MIR2052HG: variants seen among roughly 807,000 people sequenced by gnomAD.
MIR2052HG encodes MIR2052 host gene.
At chr8:74,604,183 T>C (rs1158149519) in intron 1 of MIR2052HG, 5 of 896,444 alleles carry the variant, frequency 5.6e-6, no homozygotes, top group South Asian at 2.6e-5. Flanking sequence ...TTCCTTTCCA[T>C]GCATAAGTAG....
chr8:74,614,538 C>A (rs1471706438), intron 2 of MIR2052HG, among the ~76,000 whole-genome samples: 2 of 152,120 alleles, frequency 1.3e-5, no homozygotes, highest in South Asian at 2.1e-4. Context: ...TTATTAAATT[C>A]TTTTATAACT....
chr8:74,649,530 C>CAT (rs199851979), intron 2 of MIR2052HG, among the ~76,000 whole-genome samples: 6,799 of 151,616 alleles, frequency 0.045, 223 homozygotes, highest in Non-Finnish European at 0.053. Context: ...TATATACCTA[C>CAT]ATATATATAT....
In MIR2052HG at chr8:74,716,774, C is replaced by G. The variant is rs886714760; in HGVS notation, n.371+13092C>G. Among the ~76,000 whole-genome samples the G allele has an allele frequency of 3.9e-5, 6 of 152,178 alleles. No individual in the cohort carries two copies. The South Asian group carries it at 1.0e-3, about 26-fold the overall frequency. On this transcript the variant is annotated intron_variant and non_coding_transcript_variant, in intron 4 of 6. Transcript: ENST00000523442. ...GATGATTATTTTATGATGGGTAAAT[C>G]ATTGTGTTGTGCCTCTGTACGTGGA...
intron 2 of MIR2052HG, among the ~76,000 whole-genome samples, chr8:74,667,776 A>T (rs1028480623): frequency 1.3e-5 from 2 of 152,122 alleles, no homozygotes; most frequent in Non-Finnish European, 2.9e-5. Flanking sequence ...TGGGCATGGG[A>T]TGCTCAGGAG....
intron 5 of MIR2052HG, chr8:74,752,580 T>C (rs1809959278): frequency 2.2e-6 from 1 of 450,238 alleles, no homozygotes; most frequent in Non-Finnish European, 4.4e-6. Flanking sequence ...CTCTTTTCAA[T>C]ATTTATGTAC....
chr8:74,605,412 C>A, intron 1 of MIR2052HG, among the ~76,000 whole-genome samples: 1 of 152,088 alleles, frequency 6.6e-6, no homozygotes, highest in East Asian at 1.9e-4. Context: ...GAAAATTTTC[C>A]CATTTATTGT....
At chr8:74,659,928 T>A (rs1422126196) in intron 2 of MIR2052HG, among the ~76,000 whole-genome samples, 2 of 152,182 alleles carry the variant, frequency 1.3e-5, no homozygotes, top group Non-Finnish European at 2.9e-5. Context: ...ATGGCACAAT[T>A]TTTGTTTTTT....
chr8:74,754,449 G>C (rs1163226060), intron 5 of MIR2052HG, among the ~76,000 whole-genome samples: 1 of 152,178 alleles, frequency 6.6e-6, no homozygotes, highest in Non-Finnish European at 1.5e-5. Context: ...TGGGGGCTCA[G>C]CCTAAGTAGA....
chr8:74,629,822 C>T (rs1416262202), intron 2 of MIR2052HG, among the ~76,000 whole-genome samples: 1 of 152,112 alleles, frequency 6.6e-6, no homozygotes, highest in South Asian at 2.1e-4. Flanking sequence ...GATGTTTCCC[C>T]AGCAACATCC....
At chr8:74,681,150 A>G (rs1586912410) in intron 2 of MIR2052HG, among the ~76,000 whole-genome samples, 1 of 151,790 alleles carries the variant, frequency 6.6e-6, no homozygotes, top group East Asian at 1.9e-4. Flanking sequence ...CCAGCATGGC[A>G]CATGTATACA....
At chr8:74,665,292 A>T (rs1037899693) in intron 2 of MIR2052HG, among the ~76,000 whole-genome samples, 3 of 152,158 alleles carry the variant, frequency 2.0e-5, no homozygotes, top group African/African-American at 7.2e-5. Flanking sequence ...TGTGATATGA[A>T]CTCGCATCGA....
intron 2 of MIR2052HG, among the ~76,000 whole-genome samples, chr8:74,693,563 C>T (rs1303910723): frequency 3.4e-5 from 5 of 148,230 alleles, no homozygotes; most frequent in Non-Finnish European, 7.4e-5. Flanking sequence ...AGCTTCTCAG[C>T]CCTGCTCATC....
chr8:74,627,986 A>G (rs1267407185), intron 2 of MIR2052HG, among the ~76,000 whole-genome samples: 5 of 152,170 alleles, frequency 3.3e-5, no homozygotes, highest in Non-Finnish European at 7.3e-5. Flanking sequence ...TGAACATGGC[A>G]TAAGGATTGT....
At chr8:74,619,080 A>G (rs978501004) in intron 2 of MIR2052HG, among the ~76,000 whole-genome samples, 1 of 152,220 alleles carries the variant, frequency 6.6e-6, no homozygotes, top group African/African-American at 2.4e-5. Context: ...AAGCTGAAAG[A>G]TCTGTACACT....
intron 2 of MIR2052HG, among the ~76,000 whole-genome samples, chr8:74,613,731 C>G (rs916731402): frequency 2.6e-5 from 4 of 152,208 alleles, no homozygotes; most frequent in Admixed American, 6.5e-5. Flanking sequence ...ACGTGATCCA[C>G]CCGACTCCGC....
chr8:74,621,510 C>T (rs918987093), intron 2 of MIR2052HG, among the ~76,000 whole-genome samples: 1 of 152,160 alleles, frequency 6.6e-6, no homozygotes, highest in Non-Finnish European at 1.5e-5. Context: ...TGGCAGAAGG[C>T]AAAGGAGAAG....
chr8:74,621,563 G>A (rs1360362540), intron 2 of MIR2052HG, among the ~76,000 whole-genome samples: 1 of 152,186 alleles, frequency 6.6e-6, no homozygotes, highest in Non-Finnish European at 1.5e-5. Context: ...GTGAGTGCAA[G>A]CAGGGGAAAT....
intron 4 of MIR2052HG, among the ~76,000 whole-genome samples, chr8:74,722,902 C>T (rs1809593680): frequency 6.6e-6 from 1 of 152,216 alleles, no homozygotes; most frequent in Non-Finnish European, 1.5e-5. Flanking sequence ...CTCTGGCCAA[C>T]TGACCACGCT....
At chr8:74,742,654 T>G (rs1413333577) in intron 4 of MIR2052HG, among the ~76,000 whole-genome samples, 1 of 152,182 alleles carries the variant, frequency 6.6e-6, no homozygotes, top group Non-Finnish European at 1.5e-5. Flanking sequence ...CCATGTCCTT[T>G]AATCTACTGT....
Sources: gnomAD v4.1 joint callset for allele counts (sites outside exome capture counted in the v4.1 genomes callset) on GRCh38, gnomAD v4.1.1 for gene constraint, MANE v1.5 for transcripts, NCBI Gene and HGNC (gene_info 2026-07-23, HGNC 2026-07-21) for gene names.